The following PKD2L1 variants were observed in gnomAD, a reference collection of about 807,000 sequenced individuals.
The protein encoded by PKD2L1 is polycystin-2-like protein 1.
Under a neutral mutation model 93.0 loss-of-function variants are expected in PKD2L1, and 77 were observed. That is an observed-to-expected ratio of 0.83 (90% CI 0.69 to 1.00). The LOEUF (loss-of-function observed/expected upper bound fraction) is 1.00, where lower values mean the gene tolerates loss of function less well. Ranked by LOEUF, PKD2L1 falls within the 50% of genes least tolerant of loss-of-function variation. The probability of loss-of-function intolerance (pLI) is 0.00; values close to 1 mark genes in which losing one functional copy is unlikely to be tolerated. For missense variants in PKD2L1, 977 were observed against 990.9 expected (o/e 0.99, Z 0.19); for synonymous variants, 390 against 388.0 (o/e 1.01, Z -0.06).
At chr10:100,289,118 C>T in intron 14 of PKD2L1, 62 bp from the exon 15 acceptor site, 1 of 1,212,324 alleles carries the variant, frequency 8.2e-7, no homozygotes, top group South Asian at 1.3e-5. Flanking sequence ...CTTTTCTTTT[C>T]TCTCTATCTG....
intron 2 of PKD2L1, among the ~76,000 whole-genome samples, chr10:100,301,144 T>C (rs1010842064): frequency 6.6e-6 from 1 of 152,052 alleles, no homozygotes; most frequent in Non-Finnish European, 1.5e-5. Flanking sequence ...AGTGTACGAA[T>C]AGGGTGTGGG....
At position 100,288,413 on chromosome 10, in the gene PKD2L1, T is replaced by C. The variant is rs1421957059; in HGVS notation, c.2401A>G (p.Thr801Ala). 1.2e-6 allele frequency: 2 copies of C among 1,611,386 alleles called. No individual in the cohort carries two copies. The highest frequency in any genetic ancestry group is 1.7e-6 in the Non-Finnish European group (2 of 1,177,464). ...ERRLSRGEIP[T>A]LQRS is the part of the protein sequence containing the mutation. ...CCTCACACTTAACTCCTCTGCAACG[T>C]TGGAATCTCACCACGGGAGAGTCTC... Residue 801 changes from threonine (T) to alanine (A), a missense_variant, in exon 16 of 16, where the codon ACG becomes GCG. Physicochemically the swap from Thr to Ala is moderately conservative, Grantham distance 58. Transcript: ENST00000318222.
chr10:100,288,822 T>C (rs566102191), intron 15 of PKD2L1, 150 bp downstream of exon 15: 89 of 575,686 alleles, frequency 1.5e-4, no homozygotes, highest in Non-Finnish European at 2.5e-4. Context: ...CACAGAAACA[T>C]TGGCTCAAAA....
intron 2 of PKD2L1, among the ~76,000 whole-genome samples, chr10:100,319,591 A>G (rs1022687362): frequency 1.3e-5 from 2 of 152,232 alleles, no homozygotes; most frequent in South Asian, 4.1e-4. Context: ...AGCTCACTTC[A>G]ACCTCTCCTA....
intron 2 of PKD2L1, among the ~76,000 whole-genome samples, chr10:100,308,378 T>A (rs1192419099): frequency 2.0e-5 from 3 of 151,898 alleles, no homozygotes; most frequent in Non-Finnish European, 4.4e-5. Flanking sequence ...CTTGTTGCCC[T>A]GGCTGGAGTG....
intron 2 of PKD2L1, among the ~76,000 whole-genome samples, chr10:100,324,460 C>T (rs1849333312): frequency 6.6e-6 from 1 of 152,216 alleles, no homozygotes; most frequent in African/African-American, 2.4e-5. Flanking sequence ...CCCTGGAAGC[C>T]ACTGACAACT....
chr10:100,313,216 C>T (rs916416681), intron 2 of PKD2L1, among the ~76,000 whole-genome samples: 1 of 152,172 alleles, frequency 6.6e-6, no homozygotes. Flanking sequence ...AAAGAGTATA[C>T]TAGTGCTGAG....
At chr10:100,327,931 G>A (rs1283227769) in intron 2 of PKD2L1, among the ~76,000 whole-genome samples, 3 of 152,014 alleles carry the variant, frequency 2.0e-5, no homozygotes, top group African/African-American at 7.2e-5. Context: ...CACAAATGTG[G>A]GTGGCTCAAA....
chr10:100,292,079 C>A (rs1298645638), intron 11 of PKD2L1, among the ~76,000 whole-genome samples: 1 of 152,050 alleles, frequency 6.6e-6, no homozygotes, highest in East Asian at 1.9e-4. Flanking sequence ...TTAGACATTA[C>A]CTCTTCCAGG....
intron 15 of PKD2L1, 81 bp downstream of exon 15, chr10:100,288,891 G>T: frequency 1.2e-6 from 1 of 835,244 alleles, no homozygotes. Flanking sequence ...TCCTAGAAGT[G>T]CAGGGGATGT....
intron 2 of PKD2L1, among the ~76,000 whole-genome samples, chr10:100,306,669 C>G (rs997164438): frequency 5.9e-5 from 9 of 151,470 alleles, no homozygotes; most frequent in African/African-American, 2.2e-4. Flanking sequence ...GACACCAGCC[C>G]GGGCAACATG....
intron 2 of PKD2L1, among the ~76,000 whole-genome samples, chr10:100,325,056 G>A (rs916010303): frequency 2.0e-5 from 3 of 152,132 alleles, no homozygotes; most frequent in Non-Finnish European, 4.4e-5. Flanking sequence ...AAGTGGATCT[G>A]GTTCAGTGTT....
At chr10:100,328,171 A>G (rs1261897998) in intron 2 of PKD2L1, among the ~76,000 whole-genome samples, 1 of 152,226 alleles carries the variant, frequency 6.6e-6, no homozygotes, top group Non-Finnish European at 1.5e-5. Context: ...GAAGTAATAA[A>G]CCAAATACAA....
chr10:100,293,524 C>T, intron 9 of PKD2L1, 145 bp from the exon 10 acceptor site: 1 of 627,350 alleles, frequency 1.6e-6, no homozygotes, highest in Non-Finnish European at 2.9e-6. Flanking sequence ...ATCCCTGCCT[C>T]TCAGGGTCCC....
chr10:100,295,220 A>G (rs1848501574), intron 7 of PKD2L1, 97 bp from the exon 8 acceptor site: 1 of 882,380 alleles, frequency 1.1e-6, no homozygotes, highest in Non-Finnish European at 1.8e-6. Flanking sequence ...GGAGTTGCCA[A>G]GCCAGACAAA....
At chr10:100,306,181 G>T (rs1317840487) in intron 2 of PKD2L1, among the ~76,000 whole-genome samples, 1 of 152,132 alleles carries the variant, frequency 6.6e-6, no homozygotes, top group East Asian at 1.9e-4. Flanking sequence ...ATAGGTTTAG[G>T]TGGGGCTCAA....
intron 2 of PKD2L1, among the ~76,000 whole-genome samples, chr10:100,319,990 T>C (rs1422409499): frequency 6.6e-6 from 1 of 152,214 alleles, no homozygotes; most frequent in Non-Finnish European, 1.5e-5. Context: ...AATATCATGA[T>C]GATGGTGTGG....
At position 100,314,267 on chromosome 10, in the gene PKD2L1, T is replaced by TA. The variant is rs1013568085; in HGVS notation, c.350-14550dup. On this transcript the variant is annotated intron_variant, in intron 2 of 15. Coordinates refer to ENST00000318222, the MANE Select transcript of PKD2L1 (RefSeq NM_016112.3). ...GGAGTTCCCAGCAGGGAGAGCCCTT[T>TA]AAAAAAAAATCTCAAGAAGCCATAG... is the stretch of plus-strand genomic sequence containing the variant. Among the ~76,000 whole-genome samples the TA allele has an allele frequency of 6.3e-4, 96 of 151,208 alleles. 1 individual carries two copies. Among genetic ancestry groups the TA allele is most frequent in the Non-Finnish European group, 1.2e-3 (79 of 67,750 alleles).
At chr10:100,329,624 C>G (rs1262926794) in intron 1 of PKD2L1, among the ~76,000 whole-genome samples, 1 of 152,176 alleles carries the variant, frequency 6.6e-6, no homozygotes, top group Non-Finnish European at 1.5e-5. Flanking sequence ...CTCAAACCAG[C>G]TCCCACATAC....
Sources: gnomAD v4.1 joint callset for allele counts (sites outside exome capture counted in the v4.1 genomes callset) on GRCh38, gnomAD v4.1.1 for gene constraint, MANE v1.5 for transcripts, NCBI Gene and HGNC (gene_info 2026-07-23, HGNC 2026-07-21) for gene names.